Variants in MB21D2 observed in about 807,000 individuals in gnomAD.
The protein encoded by MB21D2 is nucleotidyltransferase MB21D2.
MB21D2 carries 9 observed loss-of-function variants against 33.3 expected under a neutral mutation model. The ratio of observed to expected loss-of-function variants is 0.27; its 90% CI spans 0.16 to 0.47. The LOEUF (loss-of-function observed/expected upper bound fraction) is 0.47, where lower values mean the gene tolerates loss of function less well. Ranked by LOEUF, MB21D2 falls within the 20% of genes least tolerant of loss-of-function variation. The pLI is 0.99. For synonymous variants in MB21D2, 241 were observed against 236.3 expected (o/e 1.02, Z -0.18); for missense variants, 540 against 624.6 (o/e 0.86, Z 1.44).
chr3:192,909,255 C>CAA (rs552013602), intron 1 of MB21D2, among the ~76,000 whole-genome samples: 2 of 110,966 alleles, frequency 1.8e-5, no homozygotes, highest in African/African-American at 6.7e-5. Flanking sequence ...GACTCTGTCT[C>CAA]AAAAAAAAAA....
rs138720130 is a variant in MB21D2 at position 192,800,939 on chromosome 3, C to T, written c.212-1289G>A. On this transcript the variant is annotated intron_variant, in intron 1 of 1. Coordinates refer to ENST00000392452, the MANE Select transcript of MB21D2 (RefSeq NM_178496.4). ...AGGGAAAATTAAATTTAGAAAACTCCGCACCATGAGCGTGACATCTTCTCG... is the reference window on the plus strand; with the variant it reads ...AGGGAAAATTAAATTTAGAAAACTCTGCACCATGAGCGTGACATCTTCTCG... Among the ~76,000 whole-genome samples, 31 of 152,216 alleles carry T rather than the reference C, an allele frequency of 2.0e-4. No individual in the cohort carries two copies. In the East Asian group the frequency reaches 5.2e-3, roughly 26 times the overall value.
chr3:192,885,513 G>C (rs36063041), intron 1 of MB21D2, among the ~76,000 whole-genome samples: 1 of 151,792 alleles, frequency 6.6e-6, no homozygotes, highest in East Asian at 1.9e-4. Flanking sequence ...GGAAAACTCC[G>C]AAGTGGGGAG....
chr3:192,878,103 G>GTTTTTTTTTTTTTTTTTTTTTTTTTTT (rs1296544101), intron 1 of MB21D2, among the ~76,000 whole-genome samples: 1 of 134,222 alleles, frequency 7.5e-6, no homozygotes, highest in African/African-American at 2.8e-5. Context: ...TTTTTTTTTG[G>GTTTTTTTTTTTTTTTTTTTTTTTTTTT]TTTTTTTTGT....
chr3:192,884,299 T>C (rs1290219389), intron 1 of MB21D2, among the ~76,000 whole-genome samples: 1 of 152,138 alleles, frequency 6.6e-6, no homozygotes, highest in Non-Finnish European at 1.5e-5. Context: ...CCCTTTTAAC[T>C]ATATGGCAAC....
intron 1 of MB21D2, among the ~76,000 whole-genome samples, chr3:192,861,216 G>A (rs777727413): frequency 1.6e-4 from 25 of 152,148 alleles, no homozygotes; most frequent in Non-Finnish European, 3.1e-4. Context: ...CTCTGGGCTC[G>A]GTTCTCAATC....
At chr3:192,808,776 C>T (rs767233717) in intron 1 of MB21D2, among the ~76,000 whole-genome samples, 4 of 152,230 alleles carry the variant, frequency 2.6e-5, no homozygotes, top group Admixed American at 6.5e-5. Flanking sequence ...CTGAGCATTA[C>T]GCCCAAAGGC....
intron 1 of MB21D2, among the ~76,000 whole-genome samples, chr3:192,850,802 G>A (rs768674945): frequency 1.3e-5 from 2 of 152,144 alleles, no homozygotes; most frequent in Admixed American, 6.5e-5. Context: ...AGACACCCAC[G>A]CCACAGGCCA....
intron 1 of MB21D2, among the ~76,000 whole-genome samples, chr3:192,913,158 G>A (rs1714389941): frequency 6.6e-6 from 1 of 152,184 alleles, no homozygotes; most frequent in Non-Finnish European, 1.5e-5. Flanking sequence ...CACTCTGGGA[G>A]GTCAAAGCAG....
intron 1 of MB21D2, among the ~76,000 whole-genome samples, chr3:192,901,417 A>C (rs949830856): frequency 1.3e-4 from 20 of 149,104 alleles, no homozygotes; most frequent in African/African-American, 5.0e-4. Context: ...AAAATTCAAA[A>C]AAAAAAAAAA....
At chr3:192,889,569 C>T (rs939248646) in intron 1 of MB21D2, among the ~76,000 whole-genome samples, 2 of 152,020 alleles carry the variant, frequency 1.3e-5, no homozygotes, top group African/African-American at 2.4e-5. Flanking sequence ...AAGACACTTG[C>T]CCAGGCCAGG....
chr3:192,817,225 T>C (rs1251318183), intron 1 of MB21D2, among the ~76,000 whole-genome samples: 1 of 152,190 alleles, frequency 6.6e-6, no homozygotes, highest in African/African-American at 2.4e-5. Context: ...GGAGGATCTG[T>C]GTTTGAGTCA....
intron 1 of MB21D2, among the ~76,000 whole-genome samples, chr3:192,856,255 G>A (rs1712914260): frequency 6.6e-6 from 1 of 152,138 alleles, no homozygotes; most frequent in Non-Finnish European, 1.5e-5. Flanking sequence ...CTTGCACACA[G>A]ACTCTAACAC....
chr3:192,907,873 A>G (rs1319777673), intron 1 of MB21D2, among the ~76,000 whole-genome samples: 2 of 152,200 alleles, frequency 1.3e-5, no homozygotes, highest in African/African-American at 4.8e-5. Context: ...AGCCCTGAGT[A>G]TGGGCATGCC....
At chr3:192,884,718 G>A (rs1249114741) in intron 1 of MB21D2, among the ~76,000 whole-genome samples, 1 of 152,054 alleles carries the variant, frequency 6.6e-6, no homozygotes, top group East Asian at 1.9e-4. Context: ...AAAATCTGAG[G>A]CTGAATGGAG....
chr3:192,812,339 A>AT (rs1711806822), intron 1 of MB21D2, among the ~76,000 whole-genome samples: 1 of 106,024 alleles, frequency 9.4e-6, no homozygotes, highest in South Asian at 3.5e-4. Flanking sequence ...CCCGGCCTGT[A>AT]CTTTTTTTAG....
At chr3:192,917,558 G>A (rs1340179681) in intron 1 of MB21D2, 72 bp downstream of exon 1, 1 of 1,529,918 alleles carries the variant, frequency 6.5e-7, no homozygotes, top group Non-Finnish European at 9.0e-7. Context: ...TCGAGAAGCG[G>A]CAATGGGTTT....
chr3:192,830,686 G>A (rs1314272762), intron 1 of MB21D2, among the ~76,000 whole-genome samples: 1 of 152,186 alleles, frequency 6.6e-6, no homozygotes, highest in Non-Finnish European at 1.5e-5. Flanking sequence ...TAGTGCTATT[G>A]GAAGCCTGCC....
chr3:192,916,101 TATA>T (rs1560260845), intron 1 of MB21D2, among the ~76,000 whole-genome samples: 15 of 146,614 alleles, frequency 1.0e-4, no homozygotes, highest in East Asian at 2.0e-4. Context: ...CCAGGTTTTA[TATA>T]TATATATATA....
At chr3:192,897,256 CG>C (rs1385368607) in intron 1 of MB21D2, among the ~76,000 whole-genome samples, 3 of 152,052 alleles carry the variant, frequency 2.0e-5, no homozygotes, top group Non-Finnish European at 4.4e-5. Flanking sequence ...ACAAACAGAA[CG>C]GTTGCATAGC....
Sources: gnomAD v4.1 joint callset for allele counts (sites outside exome capture counted in the v4.1 genomes callset) on GRCh38, gnomAD v4.1.1 for gene constraint, MANE v1.5 for transcripts, NCBI Gene and HGNC (gene_info 2026-07-23, HGNC 2026-07-21) for gene names.